TDP1: variants seen among roughly 807,000 people sequenced by gnomAD.
The protein encoded by TDP1 is tyr-DNA phosphodiesterase 1.
Under a neutral mutation model 81.5 loss-of-function variants are expected in TDP1, and 64 were observed. The observed-to-expected ratio is 0.79, with a 90% CI of 0.64 to 0.97. TDP1 has a LOEUF of 0.97. Ranked by LOEUF, TDP1 falls within the 50% of genes least tolerant of loss-of-function variation. The pLI is 0.00. For missense variants in TDP1, 723 were observed against 743.8 expected (o/e 0.97, Z 0.33); for synonymous variants, 256 against 264.3 (o/e 0.97, Z 0.30).
At chr14:90,040,198 A>C (rs1225290769) in intron 16 of TDP1, among the ~76,000 whole-genome samples, 1 of 152,082 alleles carries the variant, frequency 6.6e-6, no homozygotes, top group East Asian at 1.9e-4. Flanking sequence ...GTCTCCTCCC[A>C]CTGGAAGCCA....
intron 14 of TDP1, among the ~76,000 whole-genome samples, chr14:90,007,379 A>G (rs1165917989): frequency 1.3e-5 from 2 of 152,174 alleles, no homozygotes; most frequent in African/African-American, 4.8e-5. Flanking sequence ...AGTTGAGACC[A>G]GGAGTTCAAG....
intron 15 of TDP1, chr14:90,023,178 G>T: frequency 1.4e-6 from 1 of 703,312 alleles, no homozygotes; most frequent in Non-Finnish European, 2.6e-6. Context: ...TGAGAAGAGG[G>T]ACCATGTGGT....
intron 14 of TDP1, among the ~76,000 whole-genome samples, chr14:90,016,624 C>T (rs924047036): frequency 2.6e-5 from 4 of 152,230 alleles, no homozygotes; most frequent in Non-Finnish European, 5.9e-5. Context: ...CTTCTGCCTG[C>T]TCTGTAGACT....
At chr14:89,988,170 G>A (rs1895780681) in intron 10 of TDP1, among the ~76,000 whole-genome samples, 1 of 152,192 alleles carries the variant, frequency 6.6e-6, no homozygotes, top group Admixed American at 6.5e-5. Context: ...TGCCCTCTCT[G>A]GATGCACCAC....
chr14:90,015,629 C>A (rs929560018), intron 14 of TDP1, among the ~76,000 whole-genome samples: 3 of 152,196 alleles, frequency 2.0e-5, no homozygotes, highest in Non-Finnish European at 4.4e-5. Context: ...TGGCCAGGTA[C>A]CGGTGAGGGC....
chr14:90,019,520 AAC>A (rs1379484606), intron 15 of TDP1, 102 bp downstream of exon 15: 8 of 734,524 alleles, frequency 1.1e-5, no homozygotes, highest in Non-Finnish European at 2.0e-5. Flanking sequence ...GTAGGCAGGA[AAC>A]AGTCGGGATT....
intron 15 of TDP1, chr14:90,023,075 CTGG>C (rs34694353): frequency 0.038 from 29,175 of 762,940 alleles, 961 homozygotes; most frequent in African/African-American, 0.12. Context: ...GCTTCGTTCT[CTGG>C]TAACGCATGG....
chr14:89,982,013 G>T (rs1173723204), intron 8 of TDP1, among the ~76,000 whole-genome samples: 1 of 152,020 alleles, frequency 6.6e-6, no homozygotes, highest in Non-Finnish European at 1.5e-5. Context: ...CCTTCAACAG[G>T]TCTTGCTTCA....
At position 89,995,493 on chromosome 14, in the gene TDP1, AAG is replaced by A. The variant is rs36024784; in HGVS notation, c.1541+2013_1541+2014del. ...AGGCTTTACTTTGATTGCTGTATAA[AAG>A]AGGAAAAGGACATTGAGCATTCCAA... On this transcript the variant is annotated intron_variant, in intron 14 of 16. Coordinates refer to ENST00000335725, the MANE Select transcript of TDP1 (RefSeq NM_018319.4). 2.3e-3 allele frequency among the ~76,000 whole-genome samples: 358 copies of A among 152,370 alleles called. 1 individual carries two copies. Among genetic ancestry groups the A allele is most frequent in the African/African-American group, 8.4e-3 (351 of 41,582 alleles).
chr14:89,987,866 G>GA (rs1359417070), intron 10 of TDP1, among the ~76,000 whole-genome samples: 4 of 152,176 alleles, frequency 2.6e-5, no homozygotes, highest in East Asian at 1.9e-4. Context: ...AAAAATAATT[G>GA]AAAAAATACA....
intron 14 of TDP1, among the ~76,000 whole-genome samples, chr14:90,003,225 T>C (rs1167657576): frequency 2.6e-5 from 4 of 152,220 alleles, no homozygotes; most frequent in South Asian, 2.1e-4. Flanking sequence ...CGTGAGCCAC[T>C]GCGCCCAGCC....
intron 16 of TDP1, 36 bp from the exon 17 acceptor site, chr14:90,043,034 T>C (rs1460152413): frequency 6.2e-7 from 1 of 1,614,054 alleles, no homozygotes. Context: ...TACCATCCTA[T>C]TCAAATAAAT....
rs148516928 is a variant in TDP1 at position 90,011,112 on chromosome 14, C to G, written c.1542-8204C>G. Among the ~76,000 whole-genome samples, 189 of 152,330 alleles carry G rather than the reference C, an allele frequency of 1.2e-3. 2 individuals carry two copies. The highest frequency in any genetic ancestry group is 2.3e-3 in the Non-Finnish European group (158 of 68,030). The stretch of plus-strand genomic sequence containing the variant: ...AAAGAGCAGTTTCTCTGCACACACA[C>G]TCCTGCCTGCCACCATGTAAGGCAT... On this transcript the variant is annotated intron_variant, in intron 14 of 16. Coordinates refer to ENST00000335725, the MANE Select transcript of TDP1 (RefSeq NM_018319.4).
intron 8 of TDP1, 46 bp from the exon 9 acceptor site, chr14:89,984,470 G>A (rs1437053276): frequency 6.2e-7 from 1 of 1,612,548 alleles, no homozygotes; most frequent in Non-Finnish European, 8.5e-7. Flanking sequence ...AGATCATTAT[G>A]ATCAGTTGTG....
intron 10 of TDP1, chr14:89,988,456 G>A (rs1895812671): frequency 8.6e-6 from 3 of 347,060 alleles, no homozygotes; most frequent in African/African-American, 4.4e-5. Flanking sequence ...CATACAGAAA[G>A]ACTTCACATT....
At chr14:89,959,103 A>G (rs1441588171) in intron 2 of TDP1, among the ~76,000 whole-genome samples, 10 of 152,226 alleles carry the variant, frequency 6.6e-5, no homozygotes, top group Non-Finnish European at 5.9e-5. Context: ...TCATAATGTC[A>G]GGTCCCAATC....
chr14:90,016,205 C>T (rs75312599), intron 14 of TDP1, among the ~76,000 whole-genome samples: 11,173 of 152,008 alleles, frequency 0.074, 717 homozygotes, highest in South Asian at 0.22. Flanking sequence ...CCACCACGCC[C>T]GGCTAATTTT....
At chr14:90,024,558 C>T (rs1041385777) in intron 15 of TDP1, among the ~76,000 whole-genome samples, 14 of 152,200 alleles carry the variant, frequency 9.2e-5, no homozygotes, top group African/African-American at 3.4e-4. Context: ...AGTATGGAGA[C>T]TGTGATTTTG....
At chr14:90,032,054 T>C (rs576260312) in intron 15 of TDP1, among the ~76,000 whole-genome samples, 2 of 152,362 alleles carry the variant, frequency 1.3e-5, no homozygotes, top group South Asian at 2.1e-4. Flanking sequence ...TTAACTCTTG[T>C]ACACTCAGTG....
Sources: gnomAD v4.1 joint callset for allele counts (sites outside exome capture counted in the v4.1 genomes callset) on GRCh38, gnomAD v4.1.1 for gene constraint, MANE v1.5 for transcripts, NCBI Gene and HGNC (gene_info 2026-07-23, HGNC 2026-07-21) for gene names.